BIRC6: variants seen among roughly 807,000 people sequenced by gnomAD.
The protein encoded by BIRC6 is dual E2 ubiquitin-conjugating enzyme/E3 ubiquitin-protein ligase BIRC6.
A neutral mutation model predicts 503.3 loss-of-function variants in BIRC6; 98 were observed. That is an observed-to-expected ratio of 0.19 (90% CI 0.17 to 0.23). The LOEUF (loss-of-function observed/expected upper bound fraction) is 0.23. BIRC6 is among the 10% of genes least tolerant of loss of function. The pLI is 1.00. For missense variants in BIRC6, 5,360 were observed against 5,806.0 expected (o/e 0.92, Z 2.50); for synonymous variants, 2,240 against 2,078.7 (o/e 1.08, Z -2.11).
chr2:32,441,498 A>C, intron 17 of BIRC6, 36 bp downstream of exon 17: 1 of 1,578,126 alleles, frequency 6.3e-7, no homozygotes, highest in South Asian at 1.1e-5. Context: ...TTCTTACAGT[A>C]ATGAAAGTGC....
rs1310436636 is a variant in BIRC6 at position 32,377,813 on chromosome 2, T to C, written c.507+44T>C. On this transcript the variant is annotated intron_variant, in intron 2 of 73. Transcript: ENST00000421745. The stretch of plus-strand genomic sequence containing the variant: ...CAATGTGGTCCTCTACTTAATGTAA[T>C]CTTAGACATATTAGATGTTAAATGA... The C allele has an allele frequency of 5.4e-6, 8 of 1,472,644 alleles. No individual in the cohort carries two copies. In the South Asian group the frequency reaches 9.5e-5, roughly 17 times the overall value. The allele number at this position is 1,472,644 out of a possible 1,614,324, so 91.2% of individuals were successfully genotyped here.
At chr2:32,410,700 ACTT>A (rs970968068) in intron 9 of BIRC6, among the ~76,000 whole-genome samples, 2 of 150,564 alleles carry the variant, frequency 1.3e-5, no homozygotes, top group African/African-American at 4.9e-5. Context: ...TACTTGGGCA[ACTT>A]CTTTTTTTTT....
chr2:32,501,309 CTCT>C (rs1255471533), intron 46 of BIRC6, among the ~76,000 whole-genome samples: 1 of 152,100 alleles, frequency 6.6e-6, no homozygotes, highest in Non-Finnish European at 1.5e-5. Context: ...TTCATGTCCT[CTCT>C]TCTTGATGTA....
intron 66 of BIRC6, among the ~76,000 whole-genome samples, chr2:32,587,946 A>C (rs963009239): frequency 6.6e-6 from 1 of 152,078 alleles, no homozygotes; most frequent in African/African-American, 2.4e-5. Context: ...ACCAAACTAA[A>C]CTGAGACTCA....
chr2:32,483,168 C>T (rs1218016366), intron 39 of BIRC6, among the ~76,000 whole-genome samples: 8 of 152,040 alleles, frequency 5.3e-5, no homozygotes, highest in African/African-American at 1.7e-4. Context: ...CTGCCTGCCT[C>T]GGCCTCCAAA....
chr2:32,509,035 C>T (rs1437456884), intron 51 of BIRC6, among the ~76,000 whole-genome samples: 2 of 142,002 alleles, frequency 1.4e-5, no homozygotes, highest in African/African-American at 2.6e-5. Flanking sequence ...CACCACTGCA[C>T]TCCAGCCTGG....
At chr2:32,485,073 G>C (rs779602067) in intron 39 of BIRC6, among the ~76,000 whole-genome samples, 1 of 152,102 alleles carries the variant, frequency 6.6e-6, no homozygotes, top group Non-Finnish European at 1.5e-5. Flanking sequence ...AAAGGAGCAT[G>C]GTATTTCAAA....
At chr2:32,596,468 CAAA>C (rs11345309) in intron 68 of BIRC6, among the ~76,000 whole-genome samples, 121 of 86,544 alleles carry the variant, frequency 1.4e-3, no homozygotes, top group Admixed American at 2.8e-3. Context: ...GTCTCCATCT[CAAA>C]AAAAAAAAAA....
Position 32,595,116 on chromosome 2 carries a change from T to C in BIRC6, c.13584T>C (p.Tyr4528=). Residue 4528 remains tyrosine, a synonymous_variant, in exon 68 of 74, where the codon TAT becomes TAC. Transcript: ENST00000421745. ...TATTAAAGTCACTTGAAGAAAAATA[T>C]GTGGCTGTTATGAAGAAATTACAGT... ...LSVLKSLEEK[Y]VAVMKKLQFD... 1.3e-6 allele frequency: 2 copies of C among 1,598,644 alleles called. No homozygotes were observed. The highest frequency in any genetic ancestry group is 1.7e-6 in the Non-Finnish European group (2 of 1,175,570).
rs775820437 is a variant in BIRC6 at position 32,464,801 on chromosome 2, A to G, written c.5234A>G (p.Lys1745Arg). Residue 1745 changes from lysine (K) to arginine (R), a missense_variant, in exon 25 of 74, where the codon AAA becomes AGA. Physicochemically the swap from Lys to Arg is conservative, Grantham distance 26. Transcript: ENST00000421745. ...GCAGTCAATCTTGCTGCACATAACA[A>G]AAATTCCAACAAGTCCAGAATGGTA... Reference protein sequence around the residue: ...PPAVNLAAHNKNSNKSRMNPL... With the variant: ...PPAVNLAAHNRNSNKSRMNPL... The G allele has an allele frequency of 1.6e-5, 26 of 1,610,874 alleles. No homozygotes were observed. The highest frequency in any genetic ancestry group is 2.1e-5 in the Non-Finnish European group (25 of 1,177,704).
At chr2:32,530,220 A>T (rs2056617966) in intron 60 of BIRC6, among the ~76,000 whole-genome samples, 1 of 151,674 alleles carries the variant, frequency 6.6e-6, no homozygotes, top group African/African-American at 2.4e-5. Context: ...TATTCCATTA[A>T]TTTTTTTTGA....
chr2:32,435,712 C>T (rs868438481), intron 14 of BIRC6, 127 bp downstream of exon 14: 1 of 1,009,294 alleles, frequency 9.9e-7, no homozygotes, highest in African/African-American at 1.6e-5. Flanking sequence ...AAAAAATAAC[C>T]TATAATTCTG....
At chr2:32,359,776 C>G (rs994707159) in intron 1 of BIRC6, among the ~76,000 whole-genome samples, 1 of 151,750 alleles carries the variant, frequency 6.6e-6, no homozygotes, top group Non-Finnish European at 1.5e-5. Context: ...GCTGTGTTGC[C>G]CAGGCTGGTC....
intron 1 of BIRC6, among the ~76,000 whole-genome samples, chr2:32,372,991 G>T (rs2036198195): frequency 6.6e-6 from 1 of 152,152 alleles, no homozygotes; most frequent in Admixed American, 6.6e-5. Context: ...GGGCCATTTG[G>T]TAAGTTTGTG....
chr2:32,396,149 C>T (rs1457779221), intron 6 of BIRC6, among the ~76,000 whole-genome samples: 1 of 151,862 alleles, frequency 6.6e-6, no homozygotes, highest in Non-Finnish European at 1.5e-5. Context: ...TACTAGGTAC[C>T]ATTCTGAATA....
intron 64 of BIRC6, among the ~76,000 whole-genome samples, chr2:32,548,364 A>ATTTTT (rs1491147471): frequency 2.9e-5 from 2 of 68,048 alleles, no homozygotes; most frequent in Non-Finnish European, 6.1e-5. Context: ...TTGGTTGCTT[A>ATTTTT]CTTTTTTTTT....
intron 24 of BIRC6, among the ~76,000 whole-genome samples, chr2:32,463,900 C>T (rs2048259963): frequency 6.6e-6 from 1 of 152,220 alleles, no homozygotes; most frequent in African/African-American, 2.4e-5. Context: ...TGAGCTCCAT[C>T]TCCTTTTAGA....
chr2:32,582,781 A>C (rs912207663), intron 66 of BIRC6, among the ~76,000 whole-genome samples: 7 of 151,962 alleles, frequency 4.6e-5, no homozygotes, highest in African/African-American at 1.2e-4. Flanking sequence ...AACAAACAAA[A>C]AAACTAGAAT....
chr2:32,396,988 G>T (rs112478038), intron 6 of BIRC6, among the ~76,000 whole-genome samples: 3 of 151,982 alleles, frequency 2.0e-5, no homozygotes, highest in African/African-American at 7.2e-5. Context: ...TCAGCCTTCC[G>T]AAGTGTTGGG....
Sources: allele counts gnomAD v4.1 joint callset (sites outside exome capture counted in the v4.1 genomes callset), GRCh38; gene constraint gnomAD v4.1.1; transcripts MANE v1.5; gene names NCBI Gene and HGNC (gene_info 2026-07-23, HGNC 2026-07-21).